JAK2: variants seen among roughly 807,000 people sequenced by gnomAD.
The protein encoded by JAK2 is tyrosine-protein kinase JAK2.
In JAK2, 86 loss-of-function variants were observed where a neutral mutation model predicts 139.3. The observed-to-expected ratio is 0.62, with a 90% confidence interval of 0.52 to 0.74. The LOEUF is 0.74. Among genes scored for constraint, JAK2 ranks in the 30% least tolerant of loss-of-function variants. The pLI, the probability that JAK2 is intolerant of heterozygous loss-of-function variation, is 0.00. For synonymous variants in JAK2, 490 were observed against 437.7 expected (o/e 1.12, Z -1.49); for missense variants, 1,421 against 1,360.3 (o/e 1.04, Z -0.70).
chr9:5,009,813 C>A (rs754241622), intron 2 of JAK2, among the ~76,000 whole-genome samples: 31 of 151,872 alleles, frequency 2.0e-4, no homozygotes, highest in Middle Eastern at 3.2e-3. Context: ...CTCTGTTGCC[C>A]AGGCTGGAGT....
Position 5,101,361 on chromosome 9 carries a change from G to C in JAK2, c.3059+10450G>C, listed in dbSNP as rs1048657072. 1.2e-4 allele frequency among the ~76,000 whole-genome samples: 18 copies of C among 152,362 alleles called. 1 individual carries two copies. Among genetic ancestry groups the C allele is most frequent in the African/African-American group, 4.1e-4 (17 of 41,594 alleles). ...TCCGCCATTGCTGAGGCTTGAGTAGGTAAACAAAGTGGCCAGGGAAGCTCG... is the reference window on the plus strand; with the variant it reads ...TCCGCCATTGCTGAGGCTTGAGTAGCTAAACAAAGTGGCCAGGGAAGCTCG... On this transcript the variant is annotated intron_variant, in intron 22 of 24. Coordinates refer to ENST00000381652, the MANE Select transcript of JAK2 (RefSeq NM_004972.4).
intron 22 of JAK2, among the ~76,000 whole-genome samples, chr9:5,107,435 T>C (rs1822055651): frequency 6.6e-6 from 1 of 152,166 alleles, no homozygotes; most frequent in African/African-American, 2.4e-5. Context: ...GAAATCGCTC[T>C]AATACTACCC....
At chr9:4,998,469 C>A (rs779978483) in intron 2 of JAK2, among the ~76,000 whole-genome samples, 18 of 152,068 alleles carry the variant, frequency 1.2e-4, no homozygotes, top group Admixed American at 2.6e-4. Context: ...GTTGGTCAGG[C>A]TGGTCTCGAA....
chr9:4,999,507 G>A (rs191076452), intron 2 of JAK2, among the ~76,000 whole-genome samples: 42 of 152,204 alleles, frequency 2.8e-4, no homozygotes, highest in Admixed American at 1.0e-3. Context: ...TAACATATTA[G>A]GGTTCTCTAG....
intron 4 of JAK2, chr9:5,041,189 C>G (rs1816478293): frequency 7.2e-7 from 1 of 1,398,564 alleles, no homozygotes; most frequent in Non-Finnish European, 1.0e-6. Context: ...CCTCATTTAC[C>G]AGGACGTGAA....
Position 5,069,075 on chromosome 9 carries a change from A to G in JAK2, c.1380A>G (p.Glu460=). ...KHCLITKNEN[E]EYNLSGTKKN... ...GTTTGATTACAAAAAATGAGAATGA[A>G]GAGTACAACCTCAGTGGGACAAAGA... The change falls in exon 11 of 25, where the codon GAA becomes GAG. Residue 460 remains glutamate, a synonymous_variant. Coordinates refer to ENST00000381652, the MANE Select transcript of JAK2 (RefSeq NM_004972.4). 1 of 1,607,428 alleles carries G rather than the reference A, an allele frequency of 6.2e-7. No homozygotes were observed. Among genetic ancestry groups the G allele is most frequent in the Non-Finnish European group, 8.5e-7 (1 of 1,176,660 alleles).
intron 16 of JAK2, among the ~76,000 whole-genome samples, chr9:5,078,645 G>A (rs1220527828): frequency 6.6e-6 from 1 of 152,096 alleles, no homozygotes; most frequent in Admixed American, 6.5e-5. Context: ...ACCATGGACT[G>A]TGAGGTGATT....
At chr9:5,021,216 G>A (rs981321496) in intron 2 of JAK2, among the ~76,000 whole-genome samples, 5 of 152,232 alleles carry the variant, frequency 3.3e-5, no homozygotes, top group Non-Finnish European at 5.9e-5. Context: ...TCACTTCTCT[G>A]TTGAATTTCC....
intron 22 of JAK2, chr9:5,112,069 T>G (rs916774984): frequency 7.5e-6 from 3 of 398,688 alleles, no homozygotes; most frequent in Admixed American, 2.8e-5. Flanking sequence ...CTCCACGGCC[T>G]GGAGAGTAAG....
chr9:5,106,063 G>A (rs1821928259), intron 22 of JAK2, among the ~76,000 whole-genome samples: 2 of 152,262 alleles, frequency 1.3e-5, no homozygotes, highest in South Asian at 4.1e-4. Flanking sequence ...ACAGACAGAT[G>A]GGATCTAATT....
At chr9:5,012,933 A>G (rs146533575) in intron 2 of JAK2, among the ~76,000 whole-genome samples, 13 of 152,338 alleles carry the variant, frequency 8.5e-5, no homozygotes, top group South Asian at 2.1e-4. Context: ...GGACATTGCA[A>G]TAGTTCAGGA....
At chr9:5,064,166 A>T (rs551038193) in intron 8 of JAK2, among the ~76,000 whole-genome samples, 1 of 151,932 alleles carries the variant, frequency 6.6e-6, no homozygotes, top group Non-Finnish European at 1.5e-5. Flanking sequence ...GGCGGGGGCC[A>T]CAAAAAAATC....
At chr9:5,001,625 A>T (rs1820932554) in intron 2 of JAK2, among the ~76,000 whole-genome samples, 2 of 143,356 alleles carry the variant, frequency 1.4e-5, no homozygotes, top group African/African-American at 2.6e-5. Context: ...TTTGCCTGTA[A>T]TTTTTTTTTT....
intron 2 of JAK2, among the ~76,000 whole-genome samples, chr9:4,995,042 G>T (rs965695687): frequency 1.3e-5 from 2 of 152,120 alleles, no homozygotes; most frequent in Non-Finnish European, 2.9e-5. Context: ...TTGCCAAATT[G>T]ACATAGAAAT....
rs139490855 is a variant in JAK2 at position 5,079,138 on chromosome 9, G to T, written c.2131+694G>T. ...CTGACAGTGAAGACAGTGATAACTG[G>T]GCAGTAGTACAGGAGTAGGGAGTAT... On this transcript the variant is annotated intron_variant, in intron 16 of 24. Coordinates refer to ENST00000381652, the MANE Select transcript of JAK2 (RefSeq NM_004972.4). Among the ~76,000 whole-genome samples the T allele has an allele frequency of 2.8e-3, 424 of 152,212 alleles. 1 individual carries two copies. The highest frequency in any genetic ancestry group is 3.4e-3 in the Non-Finnish European group (234 of 68,008).
intron 19 of JAK2, 26 bp downstream of exon 19, chr9:5,081,887 A>G (rs1315696316): frequency 1.3e-6 from 2 of 1,583,414 alleles, no homozygotes; most frequent in Admixed American, 1.7e-5. Context: ...TTTTTCAAAT[A>G]GAGTATAATC....
At chr9:5,006,325 T>A (rs1271158650) in intron 2 of JAK2, among the ~76,000 whole-genome samples, 1 of 152,206 alleles carries the variant, frequency 6.6e-6, no homozygotes, top group Non-Finnish European at 1.5e-5. Flanking sequence ...GCTTGTGATT[T>A]TTGTACATTG....
chr9:5,068,165 A>C (rs376865194), intron 10 of JAK2, among the ~76,000 whole-genome samples: 2,143 of 101,434 alleles, frequency 0.021, 34 homozygotes, highest in African/African-American at 0.097. Context: ...TCTCAAAAAA[A>C]AACAACAACA....
intron 19 of JAK2, 139 bp downstream of exon 19, chr9:5,082,000 A>G: frequency 1.4e-6 from 1 of 701,610 alleles, no homozygotes; most frequent in Non-Finnish European, 2.4e-6. Context: ...GATGTTGGAG[A>G]AATGCTGTGT....
Sources: allele counts gnomAD v4.1 joint callset (sites outside exome capture counted in the v4.1 genomes callset), GRCh38; gene constraint gnomAD v4.1.1; transcripts MANE v1.5; gene names NCBI Gene and HGNC (gene_info 2026-07-23, HGNC 2026-07-21).